Variants in STAG2 observed in about 807,000 individuals in gnomAD.
STAG2 encodes cohesin subunit SA-2.
STAG2 carries 14 observed loss-of-function variants against 108.1 expected under a neutral mutation model. That is an observed-to-expected ratio of 0.13 (90% CI 0.09 to 0.20). STAG2 has a LOEUF of 0.20. Among genes scored for constraint, STAG2 ranks in the 10% least tolerant of loss-of-function variants. The pLI, the probability that STAG2 is intolerant of heterozygous loss-of-function variation, is 1.00. For missense variants in STAG2, 440 were observed against 940.9 expected, an observed-to-expected ratio of 0.47 and a Z score of 6.96; for synonymous variants, 307 against 302.7, an observed-to-expected ratio of 1.01 and a Z score of -0.15.
intron 30 of STAG2, 123 bp downstream of exon 30, chrX:124,086,893 A>G (rs2059120843): frequency 1.7e-6 from 1 of 574,271 alleles, no homozygotes; most frequent in Non-Finnish European, 2.6e-6. Flanking sequence ...TGTGTTCATT[A>G]TGTGTAAACA....
intron 1 of STAG2, among the ~76,000 whole-genome samples, chrX:124,020,342 A>T (rs1157276273): frequency 1.8e-5 from 2 of 112,256 alleles, no homozygotes; most frequent in East Asian, 5.6e-4. Context: ...ACGCAGACAG[A>T]TACAGCAAGG....
chrX:123,990,158 C>A (rs1185519922), intron 1 of STAG2, among the ~76,000 whole-genome samples: 1 of 111,491 alleles, frequency 9.0e-6, no homozygotes, highest in Admixed American at 9.5e-5. Context: ...GGCTCAAGAG[C>A]CCTGGTTACA....
At chrX:124,055,720 C>A (rs1237362603) in intron 13 of STAG2, among the ~76,000 whole-genome samples, 1 of 111,237 alleles carries the variant, frequency 9.0e-6, no homozygotes, top group South Asian at 3.7e-4. Flanking sequence ...ATAAATGGGC[C>A]ATTAGTATAT....
At chrX:124,086,255 G>C (rs1273266314) in intron 29 of STAG2, among the ~76,000 whole-genome samples, 4 of 111,229 alleles carry the variant, frequency 3.6e-5, no homozygotes, top group African/African-American at 1.3e-4. Flanking sequence ...TCCAAGGGTA[G>C]ATTTATGATT....
chrX:123,985,510 G>A (rs2055126108), intron 1 of STAG2, among the ~76,000 whole-genome samples: 1 of 111,592 alleles, frequency 9.0e-6, no homozygotes, highest in Non-Finnish European at 1.9e-5. Flanking sequence ...AGTTTGCATA[G>A]CACTTTCACT....
chrX:124,093,808 GTAGAATAAACATAACTCCTTAGCATTTT>G, intron 32 of STAG2, 182 bp from the exon 33 acceptor site: 1 of 389,868 alleles, frequency 2.6e-6, no homozygotes, highest in Non-Finnish European at 4.4e-6. Context: ...CTGAAGTAAT[GTAGAATAAACATAACTCCTTAGCATTTT>G]TAGACAAGTA....
chrX:124,000,370 T>C (rs1272126779), intron 1 of STAG2, among the ~76,000 whole-genome samples: 1 of 111,586 alleles, frequency 9.0e-6, no homozygotes, highest in Non-Finnish European at 1.9e-5. Flanking sequence ...GAATGTACTA[T>C]TACTTATAAC....
intron 34 of STAG2, 133 bp downstream of exon 34, chrX:124,095,582 CA>C (rs1250964224): frequency 2.0e-6 from 1 of 493,461 alleles, no homozygotes; most frequent in African/African-American, 2.4e-5. Flanking sequence ...AAGAGGCAGG[CA>C]GGCAGGATTT....
chrX:123,970,725 T>C (rs1035598915), intron 1 of STAG2, among the ~76,000 whole-genome samples: 5 of 112,024 alleles, frequency 4.5e-5, no homozygotes, highest in Non-Finnish European at 9.4e-5. Context: ...GCACTGTTCA[T>C]TATACAGTTC....
intron 1 of STAG2, among the ~76,000 whole-genome samples, chrX:124,009,427 G>GATAGA (rs1569501811): frequency 1.3e-4 from 9 of 66,724 alleles, no homozygotes; most frequent in Admixed American, 1.2e-3. Context: ...AGGTAGGTAG[G>GATAGA]TAGGTAGGTA....
chrX:124,009,447 A>AGGTAGGTAGGTAGGTAGG (rs1569502017), intron 1 of STAG2, among the ~76,000 whole-genome samples: 5 of 91,451 alleles, frequency 5.5e-5, no homozygotes, highest in African/African-American at 2.0e-4. Flanking sequence ...AGGTAGGTAG[A>AGGTAGGTAGGTAGGTAGG]TAGATAGATA....
At chrX:123,984,560 T>A (rs1299601848) in intron 1 of STAG2, among the ~76,000 whole-genome samples, 4 of 112,080 alleles carry the variant, frequency 3.6e-5, no homozygotes, top group Non-Finnish European at 7.5e-5. Context: ...TCTCTAATAG[T>A]GCCTGATATA....
chrX:124,007,477 A>G (rs770449934), intron 1 of STAG2, among the ~76,000 whole-genome samples: 24 of 111,433 alleles, frequency 2.2e-4, no homozygotes, highest in African/African-American at 7.5e-4. Context: ...TAATTTCAGA[A>G]ATTTCTGTTT....
In STAG2 at chrX:123,967,413, G is replaced by GCC. The variant is rs1332839642; in HGVS notation, c.-163+5557_-163+5558insCC. ...CCCGAGTAGCTGGGATTACAGGCAT[G>GCC]TGCCACCACACCGGGCTAATTTTGT... On this transcript the variant is annotated intron_variant, in intron 1 of 34. Transcript: ENST00000371145. Among the ~76,000 whole-genome samples the GCC allele has an allele frequency of 3.7e-5, 4 of 108,653 alleles. No individual in the cohort carries two copies. In the East Asian group the frequency reaches 1.2e-3, roughly 32 times the overall value. The allele number at this position is 108,653 out of a possible 115,157, so 94.4% of individuals were successfully genotyped here. A position where few individuals can be genotyped will look rare whatever the true frequency, so the allele number is the denominator to read the frequency against.
chrX:124,069,230 A>G (rs376379762), intron 24 of STAG2, among the ~76,000 whole-genome samples: 2 of 112,519 alleles, frequency 1.8e-5, no homozygotes, highest in East Asian at 2.8e-4. Context: ...ATCATGTTCA[A>G]TTCTAATTCC....
At chrX:123,973,569 G>T (rs1187297673) in intron 1 of STAG2, among the ~76,000 whole-genome samples, 1 of 104,578 alleles carries the variant, frequency 9.6e-6, no homozygotes, top group African/African-American at 3.5e-5. Context: ...AATAGACTGG[G>T]CGCGGTGGCT....
intron 1 of STAG2, among the ~76,000 whole-genome samples, chrX:123,964,048 T>C (rs2053986059): frequency 9.0e-6 from 1 of 111,627 alleles, no homozygotes; most frequent in African/African-American, 3.3e-5. Flanking sequence ...ACAGAAGCGC[T>C]CATTGTTACT....
At chrX:123,978,543 T>C (rs2054734082) in intron 1 of STAG2, among the ~76,000 whole-genome samples, 2 of 111,485 alleles carry the variant, frequency 1.8e-5, no homozygotes, top group Admixed American at 9.6e-5. Context: ...TGTGCATCCT[T>C]ATAGGAATTT....
In STAG2 at chrX:124,066,143, ATTTTTTTTTTTT is replaced by A. The variant is rs748906058; in HGVS notation, c.2097-16_2097-5del. On this transcript the variant is annotated intron_variant, in intron 21 of 34. Coordinates refer to ENST00000371145, the MANE Select transcript of STAG2 (RefSeq NM_001042750.2). ...AGGCTTAGCTTTTTAATAAAACTTAATTTTTTTTTTTTTTTTTTTTTTTTTTTACAGTGCCCA... is the reference window on the plus strand; with the variant it reads ...AGGCTTAGCTTTTTAATAAAACTTAATTTTTTTTTTTTTTTACAGTGCCCA... 8 of 590,487 alleles carry A rather than the reference ATTTTTTTTTTTT, an allele frequency of 1.4e-5. No individual in the cohort carries two copies. The highest frequency in any genetic ancestry group is 9.1e-5 in the East Asian group (2 of 21,908). The allele number at this position is 590,487 out of a possible 1,213,427, so 48.7% of individuals were successfully genotyped here.
Sources: allele counts gnomAD v4.1 joint callset (sites outside exome capture counted in the v4.1 genomes callset), GRCh38; gene constraint gnomAD v4.1.1; transcripts MANE v1.5; gene names NCBI Gene and HGNC (gene_info 2026-07-23, HGNC 2026-07-21).